GYS2: variants seen among roughly 807,000 people sequenced by gnomAD.
GYS2 encodes glycogen synthase 2.
A neutral mutation model predicts 85.6 loss-of-function variants in GYS2; 80 were observed. The ratio of observed to expected loss-of-function variants is 0.93; its 90% confidence interval spans 0.78 to 1.13. GYS2 has a LOEUF of 1.13. Ranked by LOEUF, GYS2 falls within the 50% of genes most tolerant of loss-of-function variation. The probability of loss-of-function intolerance (pLI) is 0.00; values close to 1 mark genes in which losing one functional copy is unlikely to be tolerated. For synonymous variants in GYS2, 328 were observed against 300.7 expected, an observed-to-expected ratio of 1.09 and a Z score of -0.94; for missense variants, 881 against 854.9, an observed-to-expected ratio of 1.03 and a Z score of -0.38.
At chr12:21,557,590 T>G (rs1310306556) in intron 11 of GYS2, among the ~76,000 whole-genome samples, 1 of 152,166 alleles carries the variant, frequency 6.6e-6, no homozygotes, top group Non-Finnish European at 1.5e-5. Flanking sequence ...TTAGAATAAT[T>G]GGTATCATTA....
intron 4 of GYS2, among the ~76,000 whole-genome samples, chr12:21,573,054 C>G (rs1204502777): frequency 1.3e-5 from 2 of 152,276 alleles, no homozygotes; most frequent in African/African-American, 2.4e-5. Context: ...AAATGTACAG[C>G]TTGTGTTTCT....
intron 14 of GYS2, among the ~76,000 whole-genome samples, chr12:21,539,990 C>T (rs777368821): frequency 1.3e-5 from 2 of 152,212 alleles, no homozygotes; most frequent in Non-Finnish European, 2.9e-5. Context: ...GGAGGTATTT[C>T]CTGTAGTCAT....
intron 13 of GYS2, among the ~76,000 whole-genome samples, 175 bp downstream of exon 13, chr12:21,542,321 A>G (rs1943987322): frequency 6.6e-6 from 1 of 152,224 alleles, no homozygotes; most frequent in South Asian, 2.1e-4. Flanking sequence ...AAGTGCTGGG[A>G]TTACAGGCAT....
chr12:21,539,930 C>T (rs1943952565), intron 14 of GYS2, among the ~76,000 whole-genome samples: 1 of 152,232 alleles, frequency 6.6e-6, no homozygotes, highest in Non-Finnish European at 1.5e-5. Flanking sequence ...ATCACCACTG[C>T]TAAGCTGTGT....
intron 1 of GYS2, among the ~76,000 whole-genome samples, chr12:21,586,089 G>A (rs1944569550): frequency 1.3e-5 from 2 of 152,132 alleles, no homozygotes; most frequent in Non-Finnish European, 2.9e-5. Flanking sequence ...TGAGGGTATT[G>A]CCAAAGGAGA....
Position 21,574,139 on chromosome 12 carries a change from T to C in GYS2, c.678+5A>G. ...AGTAAGAGGGAGGGAGGAAGGAATA[T>C]TTACCTTATCAAGATGGTTGTAGAA... On this transcript the variant is annotated splice_donor_5th_base_variant and intron_variant, in intron 4 of 15. Transcript: ENST00000261195. 1.2e-6 allele frequency: 2 copies of C among 1,602,338 alleles called. No individual in the cohort carries two copies. The highest frequency in any genetic ancestry group is 1.7e-6 in the Non-Finnish European group (2 of 1,169,298).
intron 2 of GYS2, among the ~76,000 whole-genome samples, chr12:21,577,854 C>T (rs1297949586): frequency 6.6e-6 from 1 of 152,116 alleles, no homozygotes; most frequent in Non-Finnish European, 1.5e-5. Flanking sequence ...TATAAAACAC[C>T]TTTGAAATGT....
At chr12:21,545,838 T>C (rs1294435677) in intron 12 of GYS2, among the ~76,000 whole-genome samples, 1 of 152,238 alleles carries the variant, frequency 6.6e-6, no homozygotes, top group Admixed American at 6.5e-5. Context: ...AGAAGACTTT[T>C]CACTGTACAC....
chr12:21,548,515 T>TAATA (rs1037100793), intron 11 of GYS2, among the ~76,000 whole-genome samples: 18 of 152,184 alleles, frequency 1.2e-4, no homozygotes, highest in African/African-American at 4.3e-4. Flanking sequence ...ACCTTTCATT[T>TAATA]AATATAGTTG....
At chr12:21,574,904 G>GA (rs977815432) in intron 3 of GYS2, among the ~76,000 whole-genome samples, 64 of 147,896 alleles carry the variant, frequency 4.3e-4, no homozygotes, top group South Asian at 1.7e-3. Context: ...CAATCATAAT[G>GA]AAAAAAAAAT....
At chr12:21,561,055 C>G (rs1944246978) in intron 7 of GYS2, among the ~76,000 whole-genome samples, 1 of 151,736 alleles carries the variant, frequency 6.6e-6, no homozygotes, top group African/African-American at 2.4e-5. Flanking sequence ...GGTTTTTAGC[C>G]CTAAAGCAAA....
At chr12:21,579,662 C>T (rs1944486620) in intron 2 of GYS2, among the ~76,000 whole-genome samples, 3 of 152,200 alleles carry the variant, frequency 2.0e-5, no homozygotes, top group African/African-American at 7.2e-5. Context: ...TGCCTGGCCG[C>T]TTTTTCTTAC....
At chr12:21,588,657 G>T (rs1944600245) in intron 1 of GYS2, among the ~76,000 whole-genome samples, 1 of 152,206 alleles carries the variant, frequency 6.6e-6, no homozygotes. Context: ...CAGTTCAGAT[G>T]TTATGTGATG....
intron 5 of GYS2, among the ~76,000 whole-genome samples, chr12:21,565,390 AATATATATATAT>A (rs55790137): frequency 0.011 from 831 of 73,626 alleles, 15 homozygotes; most frequent in African/African-American, 0.027. Context: ...CCATCCATGA[AATATATATATAT>A]ATATATATAT....
At chr12:21,582,588 TA>T in intron 1 of GYS2, among the ~76,000 whole-genome samples, 1 of 131,008 alleles carries the variant, frequency 7.6e-6, no homozygotes, top group East Asian at 2.2e-4. Flanking sequence ...TAGAGATAGA[TA>T]TAGAGATAGA....
chr12:21,563,726 G>A (rs898921049), intron 5 of GYS2, among the ~76,000 whole-genome samples: 1 of 152,168 alleles, frequency 6.6e-6, no homozygotes, highest in African/African-American at 2.4e-5. Flanking sequence ...AAGGGAGTGA[G>A]TGCTCTTATC....
At chr12:21,578,183 C>T (rs1944467674) in intron 2 of GYS2, among the ~76,000 whole-genome samples, 1 of 152,166 alleles carries the variant, frequency 6.6e-6, no homozygotes, top group Non-Finnish European at 1.5e-5. Flanking sequence ...TTCTTTCTCC[C>T]CTTTAAGACC....
Position 21,604,538 on chromosome 12 carries a change from C to G in GYS2, c.55G>C (p.Glu19Gln). 6.2e-7 allele frequency: 1 copy of G among 1,612,788 alleles called. No individual in the cohort carries two copies. The highest frequency in any genetic ancestry group is 8.5e-7 in the Non-Finnish European group (1 of 1,179,018). The change falls in exon 1 of 16, where the codon GAA becomes CAA. Residue 19 changes from glutamate to glutamine, a missense_variant. Glu to Gln is a conservative substitution (Grantham distance 29). Coordinates refer to ENST00000261195, the MANE Select transcript of GYS2 (RefSeq NM_021957.4). ...TCCTCCACAGGAAGTTCTTCGACTTCCCACTGGGGAAGCCCACCCAGGGAT... is the reference window on the plus strand; with the variant it reads ...TCCTCCACAGGAAGTTCTTCGACTTGCCACTGGGGAAGCCCACCCAGGGAT... ...VTSLGGLPQWEVEELPVEELL... is the reference protein window; with the variant it reads ...VTSLGGLPQWQVEELPVEELL...
intron 1 of GYS2, among the ~76,000 whole-genome samples, chr12:21,586,798 T>C (rs896872142): frequency 8.5e-5 from 13 of 152,262 alleles, no homozygotes; most frequent in Admixed American, 8.5e-4. Flanking sequence ...AGAACTACCA[T>C]TCAATCCTGC....
Sources: allele counts gnomAD v4.1 joint callset (sites outside exome capture counted in the v4.1 genomes callset), GRCh38; gene constraint gnomAD v4.1.1; transcripts MANE v1.5; gene names NCBI Gene and HGNC (gene_info 2026-07-23, HGNC 2026-07-21).